KYAT3: variants seen among roughly 807,000 people sequenced by gnomAD.
The protein encoded by KYAT3 is kynurenine aminotransferase 3, also known as kynurenine--oxoglutarate transaminase 3.
A neutral mutation model predicts 59.0 loss-of-function variants in KYAT3; 50 were observed. That is an observed-to-expected ratio of 0.85 (90% confidence interval 0.68 to 1.07). The LOEUF is 1.07. Among genes scored for constraint, KYAT3 ranks in the 50% least tolerant of loss-of-function variants. The pLI is 0.00. For missense variants in KYAT3, 497 were observed against 533.3 expected (o/e 0.93, Z 0.67); for synonymous variants, 148 against 177.0 (o/e 0.84, Z 1.30).
intron 2 of KYAT3, chr1:88,983,747 A>G (rs765622096): frequency 6.2e-7 from 1 of 1,614,026 alleles, no homozygotes. Context: ...TTTGCCAAAT[A>G]CTGTTTCAAG....
At chr1:88,986,176 T>G (rs1677439438) in intron 2 of KYAT3, among the ~76,000 whole-genome samples, 1 of 132,934 alleles carries the variant, frequency 7.5e-6, no homozygotes, top group Non-Finnish European at 1.7e-5. Context: ...AGTGAGAGAC[T>G]GTATGAAAAA....
At chr1:88,972,320 C>T (rs1479652723) in intron 2 of KYAT3, among the ~76,000 whole-genome samples, 1 of 152,190 alleles carries the variant, frequency 6.6e-6, no homozygotes, top group Non-Finnish European at 1.5e-5. Flanking sequence ...TAAAATACAC[C>T]TTCACAGCAA....
downstream of KYAT3, among the ~76,000 whole-genome samples, chr1:88,934,815 G>A (rs1164561270): frequency 6.6e-6 from 1 of 152,170 alleles, no homozygotes. Flanking sequence ...AAACTTTCAT[G>A]TGTGTAAGTA....
At chr1:88,935,263 A>G (rs966691667), downstream of KYAT3, among the ~76,000 whole-genome samples, 3 of 151,342 alleles carry the variant, frequency 2.0e-5, no homozygotes, top group Non-Finnish European at 4.4e-5. Context: ...TCGGCCTCCC[A>G]AAGTGCTGGG....
intron 10 of KYAT3, 114 bp from the exon 11 acceptor site, chr1:88,949,391 A>C: frequency 1.4e-6 from 1 of 695,974 alleles, no homozygotes; most frequent in Non-Finnish European, 2.2e-6. Context: ...CAAAGAAGTC[A>C]CTCAGGAAAT....
chr1:88,978,015 G>A (rs529317182), intron 2 of KYAT3, among the ~76,000 whole-genome samples: 3 of 152,104 alleles, frequency 2.0e-5, no homozygotes, highest in African/African-American at 7.2e-5. Flanking sequence ...ATCACAGAAT[G>A]TATCCCAGTT....
intron 4 of KYAT3, among the ~76,000 whole-genome samples, chr1:88,966,424 G>A (rs1243854644): frequency 6.6e-6 from 1 of 152,116 alleles, no homozygotes; most frequent in East Asian, 1.9e-4. Context: ...AGATTTCATC[G>A]TACAGATCTT....
At chr1:88,956,577 G>A (rs1570793702) in intron 8 of KYAT3, among the ~76,000 whole-genome samples, 1 of 152,282 alleles carries the variant, frequency 6.6e-6, no homozygotes, top group South Asian at 2.1e-4. Context: ...AATGCAGTGT[G>A]ATAAATGCTG....
rs1488478687 is a variant in KYAT3 at position 88,943,029 on chromosome 1, C to G, written c.1278G>C (p.Lys426Asn). The change falls in exon 13 of 14, where the codon AAG (lysine) becomes AAC (asparagine). Residue 426 changes from lysine (K) to asparagine (N), a missense_variant. This residue lies in a region of KYAT3 where 28 missense variants were observed against 54.2 expected (regional missense o/e 0.52). Coordinates refer to ENST00000260508, the MANE Select transcript of KYAT3 (RefSeq NM_001008661.3). ...CNSETKSQFE[K>N]FVRFCFIKKD... ...CTTTAATGAAGCAAAAACGCACAAA[C>G]TTCTCAAACTGTGATTTAGTCTCTG... 2 of 1,613,200 alleles carry G rather than the reference C, an allele frequency of 1.2e-6. No homozygotes were observed. The highest frequency in any genetic ancestry group is 3.3e-5 in the Admixed American group (2 of 59,962).
intron 1 of KYAT3, among the ~76,000 whole-genome samples, chr1:88,990,894 G>A (rs1239526968): frequency 6.6e-6 from 1 of 152,074 alleles, no homozygotes; most frequent in African/African-American, 2.4e-5. Flanking sequence ...ATTAAATTTA[G>A]ATGTCATCGA....
downstream of KYAT3, chr1:88,935,647 C>G: frequency 5.1e-6 from 1 of 197,082 alleles, no homozygotes; most frequent in Non-Finnish European, 1.0e-5. Context: ...TGAAGCAAAA[C>G]TGTGAACAGA....
intron 8 of KYAT3, among the ~76,000 whole-genome samples, chr1:88,959,787 A>ACAGT (rs373001211): frequency 1.3e-5 from 2 of 151,440 alleles, no homozygotes; most frequent in African/African-American, 4.8e-5. Flanking sequence ...TTCCCCTCAA[A>ACAGT]CAGTCGCTTT....
rs983094183 is a variant in KYAT3, at chr1:88,949,151, C to T, written c.1081G>A (p.Gly361Ser). The change falls in exon 11 of 14, where the codon GGC becomes AGC. Residue 361 changes from glycine to serine, a missense_variant. This residue lies in a region of KYAT3 where 469 missense variants were observed against 479.1 expected (regional missense o/e 0.98). Transcript: ENST00000260508. ...CCATCAGGAACTATGGGTTTTAGGCCAACACTTTCAAGTAAACGTACCATC... is the reference window on the plus strand; with the variant it reads ...CCATCAGGAACTATGGGTTTTAGGCTAACACTTTCAAGTAAACGTACCATC... ...DRMVRLLESV[G>S]LKPIVPDGGY... 5.0e-6 allele frequency: 8 copies of T among 1,609,128 alleles called. No homozygotes were observed. Among genetic ancestry groups the T allele is most frequent in the Non-Finnish European group, 6.8e-6 (8 of 1,178,328 alleles).
intron 11 of KYAT3, among the ~76,000 whole-genome samples, chr1:88,944,200 C>T (rs1675349197): frequency 6.6e-6 from 1 of 151,982 alleles, no homozygotes; most frequent in African/African-American, 2.4e-5. Flanking sequence ...TCTTGAATGC[C>T]CTAAAGCAAC....
At chr1:88,921,450 C>T in the KYAT3 span, among the ~76,000 whole-genome samples, 1 of 152,106 alleles carries the variant, frequency 6.6e-6, no homozygotes, top group South Asian at 2.1e-4. Flanking sequence ...AATAGCCAAA[C>T]CACAGTTTTT....
chr1:88,945,588 C>T (rs1043121329), intron 11 of KYAT3, among the ~76,000 whole-genome samples: 2 of 152,126 alleles, frequency 1.3e-5, no homozygotes, highest in Non-Finnish European at 2.9e-5. Context: ...AATATATTTG[C>T]AAAGCTCCTA....
chr1:88,943,682 G>C (rs765689731), intron 11 of KYAT3, among the ~76,000 whole-genome samples: 2 of 152,174 alleles, frequency 1.3e-5, no homozygotes, highest in Non-Finnish European at 2.9e-5. Flanking sequence ...GCAGCTTTCA[G>C]CACAGGAAGA....
intron 8 of KYAT3, among the ~76,000 whole-genome samples, chr1:88,955,829 ATG>A (rs146197538): frequency 5.4e-5 from 8 of 148,382 alleles, no homozygotes; most frequent in African/African-American, 7.7e-5. Context: ...ATGTGTGCAC[ATG>A]TGTGTGTGTG....
intron 11 of KYAT3, among the ~76,000 whole-genome samples, chr1:88,947,570 C>T (rs1675492597): frequency 1.3e-5 from 2 of 152,184 alleles, no homozygotes; most frequent in Non-Finnish European, 2.9e-5. Context: ...AGACACTTAA[C>T]ATCAGGCCAT....
Sources: gnomAD v4.1 joint callset for allele counts (sites outside exome capture counted in the v4.1 genomes callset) on GRCh38, gnomAD v4.1.1 for gene constraint, gnomAD v4.1.1 regional missense constraint, MANE v1.5 for transcripts, NCBI Gene and HGNC (gene_info 2026-07-23, HGNC 2026-07-21) for gene names.